Variants in N4BP3 observed in about 807,000 individuals in gnomAD.
N4BP3 encodes the protein NEDD4 binding protein 3, also known as NEDD4-binding protein 3.
In N4BP3, 33 loss-of-function variants were observed where a neutral mutation model predicts 43.8. The ratio of observed to expected loss-of-function variants is 0.75; its 90% CI spans 0.57 to 1.01. The LOEUF (loss-of-function observed/expected upper bound fraction) is 1.01, where lower values mean the gene tolerates loss of function less well. Among genes scored for constraint, N4BP3 ranks in the 50% least tolerant of loss-of-function variants. N4BP3 has a pLI of 0.00. For synonymous variants in N4BP3, 326 were observed against 321.9 expected (o/e 1.01, Z -0.14); for missense variants, 756 against 744.2 (o/e 1.02, Z -0.18).
chr5:178,115,610 T>TAGGCGTAAC, intron 1 of N4BP3, among the ~76,000 whole-genome samples: 1 of 152,338 alleles, frequency 6.6e-6, no homozygotes, highest in South Asian at 2.1e-4. Flanking sequence ...AACGTGACCT[T>TAGGCGTAAC]AGGCGTGTTA....
chr5:178,115,329 C>G (rs930241956), intron 1 of N4BP3, among the ~76,000 whole-genome samples: 1 of 152,166 alleles, frequency 6.6e-6, no homozygotes, highest in Non-Finnish European at 1.5e-5. Context: ...CTCTGGGCCC[C>G]CCTTGCCTAC....
In N4BP3 at chr5:178,121,854, G is replaced by C. The variant is rs375871077; in HGVS notation, c.1488G>C (p.Glu496Asp). The C allele has an allele frequency of 6.2e-7, 1 of 1,608,052 alleles. No individual in the cohort carries two copies. Among genetic ancestry groups the C allele is most frequent in the Non-Finnish European group, 8.5e-7 (1 of 1,178,562 alleles). ...FEQERRTWQEEKERVLRYQRE... is the reference protein window; with the variant it reads ...FEQERRTWQEDKERVLRYQRE... Reference sequence around the variant, plus strand: ...AGGAGCGGCGGACTTGGCAGGAGGAGAAGGAGCGCGTGCTGCGCTACCAGC... The same window carrying C: ...AGGAGCGGCGGACTTGGCAGGAGGACAAGGAGCGCGTGCTGCGCTACCAGC... The change falls in exon 5 of 5, where the codon GAG becomes GAC. Residue 496 changes from glutamate (E) to aspartate (D), a missense_variant. By Grantham distance (45) the Glu-to-Asp change is conservative (BLOSUM62 2). Coordinates refer to ENST00000274605, the MANE Select transcript of N4BP3 (RefSeq NM_015111.2).
chr5:178,122,754 T>C lies in N4BP3; in HGVS notation c.*753T>C, dbSNP rs1455132019. On this transcript the variant is annotated 3_prime_UTR_variant, in exon 5 of 5. Transcript: ENST00000274605. ...TGGTGGGAAGGCTGGGCCCCAGGAG[T>C]ATCCACAGGCTCAGGCCATGCCCCT... 6.6e-6 allele frequency: 1 copy of C among 151,572 alleles called. No individual in the cohort carries two copies. Among genetic ancestry groups the C allele is most frequent in the Non-Finnish European group, 1.5e-5 (1 of 67,878 alleles). 9.4% of individuals were successfully genotyped at this position (151,572 alleles called of 1,614,324 possible).
chr5:178,116,429 G>T (rs571294946), intron 1 of N4BP3, among the ~76,000 whole-genome samples: 114 of 152,210 alleles, frequency 7.5e-4, no homozygotes, highest in South Asian at 4.6e-3. Context: ...ACGGTGGGGG[G>T]CCTAAGGAGA....
rs1323808594 is a variant in N4BP3, at chr5:178,121,201, T to C, written c.956T>C (p.Leu319Pro). 2 of 1,602,404 alleles carry C rather than the reference T, an allele frequency of 1.2e-6. No homozygotes were observed. Among genetic ancestry groups the C allele is most frequent in the African/African-American group, 2.7e-5 (2 of 74,794 alleles). ...TQKAERSERNLQLQLFMAQQE... is the reference protein window; with the variant it reads ...TQKAERSERNPQLQLFMAQQE... ...AAGGCTGAGCGCAGCGAGCGCAACC[T>C]CCAGCTGCAGCTGTTTATGGCTCAG... is the stretch of plus-strand genomic sequence containing the variant. Residue 319 changes from leucine to proline, a missense_variant, in exon 4 of 5, where the codon CTC becomes CCC. Transcript: ENST00000274605.
In N4BP3 at chr5:178,118,456, C is replaced by T. The variant is rs1757823438; in HGVS notation, c.-30-1098C>T. The stretch of plus-strand genomic sequence containing the variant: ...GGCCGGGGTCACACACCGATTGGTT[C>T]CGCCAGGGTTAGGATTTGGGACCCA... On this transcript the variant is annotated intron_variant, in intron 1 of 4. Coordinates refer to ENST00000274605, the MANE Select transcript of N4BP3 (RefSeq NM_015111.2). The surrounding 1 kb of genome is among the most constrained non-coding windows in gnomAD (Gnocchi z 5.4). Among the ~76,000 whole-genome samples the T allele has an allele frequency of 6.6e-6, 1 of 152,182 alleles. No individual in the cohort carries two copies. The highest frequency in any genetic ancestry group is 2.1e-4 in the South Asian group (1 of 4,830).
At position 178,118,867 on chromosome 5, in the gene N4BP3, CTTTTTTT is replaced by C. The variant is rs1163342087; in HGVS notation, c.-30-677_-30-671del. On this transcript the variant is annotated intron_variant, in intron 1 of 4. Coordinates refer to ENST00000274605, the MANE Select transcript of N4BP3 (RefSeq NM_015111.2). The surrounding 1 kb of genome is among the most constrained non-coding windows in gnomAD (Gnocchi z 5.4). ...GTCAGGTTCAGCCAGGCTGAGTTTT[CTTTTTTT>C]TTTTTTTTTGAGATGGAGTCTCCCT... Among the ~76,000 whole-genome samples the C allele has an allele frequency of 1.5e-5, 2 of 137,616 alleles. No homozygotes were observed. The highest frequency in any genetic ancestry group is 2.6e-5 in the African/African-American group (1 of 37,796). The allele number at this position is 137,616 out of a possible 152,430, so 90.3% of individuals were successfully genotyped here.
In N4BP3 at chr5:178,121,767, G is replaced by A; in HGVS notation, c.1401G>A (p.Gln467=). Residue 467 remains glutamine (Q), a synonymous_variant, in exon 5 of 5, where the codon CAG becomes CAA. Transcript: ENST00000274605. The part of the protein sequence containing the change: ...GGSEARDSAE[Q]LRAELLQERL... ...GCGAGGCCAGAGACAGTGCTGAGCA[G>A]CTGCGGGCTGAGCTGCTGCAGGAGC... 6.2e-7 allele frequency: 1 copy of A among 1,608,368 alleles called. No homozygotes were observed. Among genetic ancestry groups the A allele is most frequent in the Non-Finnish European group, 8.5e-7 (1 of 1,179,724 alleles).
chr5:178,123,311 A>C lies in N4BP3; in HGVS notation c.*1310A>C, dbSNP rs189299172. The C allele has an allele frequency of 2.6e-5, 4 of 152,344 alleles. No individual in the cohort carries two copies. The highest frequency in any genetic ancestry group is 4.8e-5 in the African/African-American group (2 of 41,448). The allele number at this position is 152,344 out of a possible 1,614,324, so 9.4% of individuals were successfully genotyped here. A position where few individuals can be genotyped will look rare whatever the true frequency, so the allele number is the denominator to read the frequency against. On this transcript the variant is annotated 3_prime_UTR_variant, in exon 5 of 5. Coordinates refer to ENST00000274605, the MANE Select transcript of N4BP3 (RefSeq NM_015111.2). Reference sequence around the variant, plus strand: ...ACGGGCTGCCATGCATTGCGTGCTTACTGGGCGCCAGGTGCTGTGCTGGGC... The same window carrying C: ...ACGGGCTGCCATGCATTGCGTGCTTCCTGGGCGCCAGGTGCTGTGCTGGGC...
chr5:178,121,964 C>A lies in N4BP3; in HGVS notation c.1598C>A (p.Thr533Lys), dbSNP rs762526573. The change falls in exon 5 of 5, where the codon ACA (threonine) becomes AAA (lysine). Residue 533 changes from threonine to lysine, a missense_variant. By Grantham distance (78) the Thr-to-Lys change is moderately conservative. Transcript: ENST00000274605. ...QELRALREPP[T>K]PWSPRLESSK... ...CTGCGGGCACTGCGGGAGCCCCCCA[C>A]ACCCTGGAGTCCCCGGCTCGAGTCC... 8.1e-6 allele frequency: 13 copies of A among 1,607,982 alleles called. No homozygotes were observed. In the South Asian group the frequency reaches 1.3e-4, roughly 16 times the overall value.
rs1199396802 is a variant in N4BP3 at position 178,113,536 on chromosome 5, T to G, written c.-266T>G. The G allele has an allele frequency of 6.6e-6, 1 of 151,410 alleles. No individual in the cohort carries two copies. Among genetic ancestry groups the G allele is most frequent in the Non-Finnish European group, 1.5e-5 (1 of 67,802 alleles). 9.4% of individuals were successfully genotyped at this position (151,410 alleles called of 1,614,324 possible). ...CGCGCCGGTGAGTCAGGCCGGGTTT[T>G]CCCTCCGCCTTTGGGGCAGGCGATC... On this transcript the variant is annotated 5_prime_UTR_variant, in exon 1 of 5. Transcript: ENST00000274605.
At position 178,120,342 on chromosome 5, in the gene N4BP3, C is replaced by T. The variant is rs751964720; in HGVS notation, c.495C>T (p.Ser165=). Residue 165 remains serine, a synonymous_variant, in exon 3 of 5, where the codon AGC becomes AGT. Transcript: ENST00000274605. The part of the protein sequence containing the change: ...HPPLSPGPRA[S]QARAQLLHAL... ...CCCTGAGCCCCGGGCCCCGGGCCAG[C>T]CAGGCCCGGGCACAGCTGCTGCACG... 3 of 1,607,192 alleles carry T rather than the reference C, an allele frequency of 1.9e-6. No homozygotes were observed. The highest frequency in any genetic ancestry group is 1.7e-6 in the Non-Finnish European group (2 of 1,176,092).
chr5:178,116,732 C>T (rs111575641), intron 1 of N4BP3, among the ~76,000 whole-genome samples: 2,064 of 152,226 alleles, frequency 0.014, 44 homozygotes, highest in African/African-American at 0.046. Flanking sequence ...CCTGGACCTG[C>T]GATGCCTCGT....
chr5:178,119,973 CTGA>C (rs1218368209), intron 2 of N4BP3, 60 bp downstream of exon 2: 9 of 1,519,224 alleles, frequency 5.9e-6, no homozygotes, highest in African/African-American at 2.8e-5. Context: ...CTTGGAGACC[CTGA>C]TGTTGGGATG....
chr5:178,121,519 C>T lies in N4BP3; in HGVS notation c.1153C>T (p.Arg385Cys), dbSNP rs371372783. ...AEISLLKQQL[R>C]EAQAELAQKL... ...GATTAGCCTCTTGAAGCAGCAGCTGCGTGAAGCCCAGGCGGAACTGGCCCA... is the reference window on the plus strand; with the variant it reads ...GATTAGCCTCTTGAAGCAGCAGCTGTGTGAAGCCCAGGCGGAACTGGCCCA... Residue 385 changes from arginine (R) to cysteine (C), a missense_variant, in exon 5 of 5, where the codon CGT becomes TGT. Arg to Cys is a radical substitution (Grantham distance 180, BLOSUM62 -3). Coordinates refer to ENST00000274605, the MANE Select transcript of N4BP3 (RefSeq NM_015111.2). The T allele has an allele frequency of 1.1e-5, 18 of 1,613,808 alleles. No homozygotes were observed. The highest frequency in any genetic ancestry group is 5.3e-5 in the African/African-American group (4 of 74,924).
In N4BP3 at chr5:178,113,695, G is replaced by A. The variant is rs966984911; in HGVS notation, c.-107G>A. The A allele has an allele frequency of 6.6e-6, 1 of 152,050 alleles. No homozygotes were observed. Among genetic ancestry groups the A allele is most frequent in the Non-Finnish European group, 1.5e-5 (1 of 67,990 alleles). The allele number at this position is 152,050 out of a possible 1,614,324, so 9.4% of individuals were successfully genotyped here. A position where few individuals can be genotyped will look rare whatever the true frequency, so the allele number is the denominator to read the frequency against. ...CGGCCCGAGCCGACGCCTTGCAGGA[G>A]GGTTCAAATCCGCGCGGGGGAGCTG... On this transcript the variant is annotated 5_prime_UTR_variant, in exon 1 of 5. Coordinates refer to ENST00000274605, the MANE Select transcript of N4BP3 (RefSeq NM_015111.2).
chr5:178,118,208 C>T lies in N4BP3; in HGVS notation c.-30-1346C>T, dbSNP rs1757816747. On this transcript the variant is annotated intron_variant, in intron 1 of 4. Coordinates refer to ENST00000274605, the MANE Select transcript of N4BP3 (RefSeq NM_015111.2). This position sits in a 1 kb window ranked among gnomAD's most constrained non-coding sequence, Gnocchi z 5.4. ...CAGCCCTGCCTCCAGAGTGTGTGGC[C>T]CAGCACAGGTGGAAGGTGGTCCGTC... Among the ~76,000 whole-genome samples, 1 of 152,174 alleles carries T rather than the reference C, an allele frequency of 6.6e-6. No homozygotes were observed. The highest frequency in any genetic ancestry group is 2.4e-5 in the African/African-American group (1 of 41,442).
chr5:178,121,365 A>G lies in N4BP3; in HGVS notation c.1107+13A>G. The G allele has an allele frequency of 1.9e-6, 3 of 1,604,988 alleles. No homozygotes were observed. The highest frequency in any genetic ancestry group is 2.6e-6 in the Non-Finnish European group (3 of 1,174,836). ...AGCCCGATGGGAGGTGAGAGATGAC[A>G]CAGGGCTCCGAGACTCTCCCATCTC... On this transcript the variant is annotated intron_variant, in intron 4 of 4. Coordinates refer to ENST00000274605, the MANE Select transcript of N4BP3 (RefSeq NM_015111.2).
In N4BP3 at chr5:178,119,844, C is replaced by T. The variant is rs372874833; in HGVS notation, c.261C>T (p.Tyr87=). 2.0e-5 allele frequency: 32 copies of T among 1,612,958 alleles called. No homozygotes were observed. The highest frequency in any genetic ancestry group is 2.7e-5 in the Non-Finnish European group (32 of 1,179,988). ...AGCCTGCCGACTATGCCACCCTCTA[C>T]TACCGGGAACATTCTCGCGCGGGTG... ...RNEPADYATL[Y]YREHSRAGDF... The change falls in exon 2 of 5, where the codon TAC becomes TAT. Residue 87 remains tyrosine, a synonymous_variant. Coordinates refer to ENST00000274605, the MANE Select transcript of N4BP3 (RefSeq NM_015111.2).
Sources: gnomAD v4.1 joint callset for allele counts (sites outside exome capture counted in the v4.1 genomes callset) on GRCh38, gnomAD v4.1.1 for gene constraint, Gnocchi (gnomAD v3.1) non-coding constraint, MANE v1.5 for transcripts, NCBI Gene and HGNC (gene_info 2026-07-23, HGNC 2026-07-21) for gene names.